The following SPMIP11 variants were observed in gnomAD, a reference collection of about 807,000 sequenced individuals.
The protein encoded by SPMIP11 is sperm microtubule inner protein 11, also known as long intergenic non-protein coding RNA 935.
the SPMIP11 span, among the ~76,000 whole-genome samples, chr12:48,735,839 A>C: frequency 4.0e-5 from 6 of 151,718 alleles, no homozygotes; most frequent in Non-Finnish European, 5.9e-5. Flanking sequence ...AGCCAAGATC[A>C]TGCCATTGCA....
the SPMIP11 span, among the ~76,000 whole-genome samples, chr12:48,755,873 TTC>T: frequency 7.3e-6 from 1 of 137,070 alleles, no homozygotes; most frequent in African/African-American, 2.7e-5. Context: ...CTCAGTTTCT[TTC>T]TTTTTTTTTT....
At chr12:48,750,966 G>A in the SPMIP11 span, among the ~76,000 whole-genome samples, 9 of 152,248 alleles carry the variant, frequency 5.9e-5, no homozygotes, top group African/African-American at 2.2e-4. Flanking sequence ...CCCTTAGCTA[G>A]GCCTTTAACA....
chr12:48,734,280 G>C, the SPMIP11 span, among the ~76,000 whole-genome samples: 13 of 150,988 alleles, frequency 8.6e-5, no homozygotes, highest in Admixed American at 8.6e-4. Context: ...GCCCCACCCT[G>C]CTAATTTTTT....
chr12:48,756,371 G>A, the SPMIP11 span, among the ~76,000 whole-genome samples: 1 of 152,156 alleles, frequency 6.6e-6, no homozygotes, highest in Non-Finnish European at 1.5e-5. Flanking sequence ...CTTCAGTACT[G>A]TTGCTTCTCC....
At chr12:48,728,707 CAAAAAAAAA>C in the SPMIP11 span, among the ~76,000 whole-genome samples, 4 of 70,972 alleles carry the variant, frequency 5.6e-5, no homozygotes, top group African/African-American at 1.2e-4. Context: ...GACTCTGTCT[CAAAAAAAAA>C]AAAAAAAAAA....
the SPMIP11 span, among the ~76,000 whole-genome samples, chr12:48,735,022 AAG>A: frequency 2.0e-5 from 3 of 150,402 alleles, no homozygotes; most frequent in Non-Finnish European, 3.0e-5. Flanking sequence ...AAAAAAAAAA[AAG>A]AAGAGGAGGA....
chr12:48,746,360 C>CTTTTTTTTTTTTT, the SPMIP11 span, among the ~76,000 whole-genome samples: 2 of 101,228 alleles, frequency 2.0e-5, no homozygotes, highest in Admixed American at 1.1e-4. Flanking sequence ...ACTATAATTC[C>CTTTTTTTTTTTTT]TTTTTTTTTT....
the SPMIP11 span, among the ~76,000 whole-genome samples, chr12:48,760,108 T>C: frequency 1.4e-4 from 21 of 151,902 alleles, no homozygotes; most frequent in Admixed American, 7.9e-4. Flanking sequence ...TGAAATGAAA[T>C]TTGAATTAGA....
the SPMIP11 span, among the ~76,000 whole-genome samples, chr12:48,740,881 T>C: frequency 0.84 from 128,165 of 151,676 alleles, 54,569 homozygotes; most frequent in East Asian, 1. Context: ...AGTGAGACTC[T>C]ATCTTAAAAA....
chr12:48,743,933 CAAAAAAAAAAAA>C, the SPMIP11 span, among the ~76,000 whole-genome samples: 24 of 34,894 alleles, frequency 6.9e-4, no homozygotes, highest in African/African-American at 1.6e-3. Flanking sequence ...GACTTCGTCT[CAAAAAAAAAAAA>C]AAAAAAAAAA....
At chr12:48,728,446 C>T in the SPMIP11 span, among the ~76,000 whole-genome samples, 7 of 152,184 alleles carry the variant, frequency 4.6e-5, no homozygotes, top group Non-Finnish European at 8.8e-5. Flanking sequence ...CGGTGGCTCA[C>T]GCCTGTAATC....
chr12:48,750,208 C>G, the SPMIP11 span, among the ~76,000 whole-genome samples: 1 of 152,056 alleles, frequency 6.6e-6, no homozygotes, highest in Admixed American at 6.6e-5. Flanking sequence ...AAAAAATTGG[C>G]TGGGCATAGT....
At chr12:48,742,093 T>C in the SPMIP11 span, among the ~76,000 whole-genome samples, 2 of 152,098 alleles carry the variant, frequency 1.3e-5, no homozygotes, top group East Asian at 3.9e-4. Context: ...AAAAAAAATT[T>C]TTTGTAGACA....
the SPMIP11 span, among the ~76,000 whole-genome samples, chr12:48,735,021 A>AAAAG: frequency 6.6e-6 from 1 of 150,692 alleles, no homozygotes; most frequent in Admixed American, 6.6e-5. Context: ...AAAAAAAAAA[A>AAAAG]AAGAAGAGGA....
chr12:48,745,382 T>C, the SPMIP11 span, among the ~76,000 whole-genome samples: 1 of 151,440 alleles, frequency 6.6e-6, no homozygotes, highest in African/African-American at 2.4e-5. Context: ...AGGCAGGCAG[T>C]TCATTTGAGG....
the SPMIP11 span, among the ~76,000 whole-genome samples, chr12:48,765,961 G>A: frequency 6.6e-6 from 1 of 152,128 alleles, no homozygotes; most frequent in Non-Finnish European, 1.5e-5. Flanking sequence ...TGCATGGCAG[G>A]GGTCACACAC....
chr12:48,730,551 G>A, the SPMIP11 span, among the ~76,000 whole-genome samples: 206 of 152,246 alleles, frequency 1.4e-3, 2 homozygotes, highest in African/African-American at 4.8e-3. Context: ...AGTATACCAG[G>A]CACTGTACTA....
chr12:48,737,843 G>T, the SPMIP11 span, among the ~76,000 whole-genome samples: 1 of 151,610 alleles, frequency 6.6e-6, no homozygotes, highest in Admixed American at 6.6e-5. Context: ...CTATTTTTGA[G>T]ACAGGGTCCT....
At chr12:48,770,640 G>T in the SPMIP11 span, 1 of 898,814 alleles carries the variant, frequency 1.1e-6, no homozygotes, top group Admixed American at 2.0e-5. Flanking sequence ...TGATATAGGA[G>T]GTCAGAGGGA....
Sources: allele counts gnomAD v4.1 joint callset (sites outside exome capture counted in the v4.1 genomes callset), GRCh38; gene constraint gnomAD v4.1.1; transcripts MANE v1.5; gene names NCBI Gene and HGNC (gene_info 2026-07-23, HGNC 2026-07-21).